The following TBCA variants were observed in gnomAD, a reference collection of about 807,000 sequenced individuals.
The protein encoded by TBCA is tubulin-specific chaperone A.
Under a neutral mutation model 15.8 loss-of-function variants are expected in TBCA, and 6 were observed. The observed-to-expected ratio is 0.38, with a 90% CI of 0.21 to 0.75. TBCA has a LOEUF of 0.75. TBCA is among the 30% of genes least tolerant of loss of function. The pLI, the probability that TBCA is intolerant of heterozygous loss-of-function variation, is 0.46. For synonymous variants in TBCA, 32 were observed against 42.3 expected, an observed-to-expected ratio of 0.76 and a Z score of 0.94; for missense variants, 90 against 131.2, an observed-to-expected ratio of 0.69 and a Z score of 1.53.
At chr5:77,732,577 A>G (rs2112469994) in intron 1 of TBCA, among the ~76,000 whole-genome samples, 1 of 147,372 alleles carries the variant, frequency 6.8e-6, no homozygotes, top group South Asian at 2.2e-4. Context: ...AAAAAAAAAA[A>G]TTGAAGGTTT....
In TBCA at chr5:77,693,557, G is replaced by A. The variant is rs1489047520; in HGVS notation, c.160-205C>T. ...CTCACGCCTGTAATCCCAGCATTTT[G>A]GGAGACCGAGGCAGGCAGATCACCT... On this transcript the variant is annotated intron_variant, in intron 2 of 3. Coordinates refer to ENST00000380377, the MANE Select transcript of TBCA (RefSeq NM_004607.3). 1.2e-5 allele frequency: 7 copies of A among 603,056 alleles called. No homozygotes were observed. In the East Asian group the frequency reaches 2.4e-4, roughly 21 times the overall value. 37.4% of individuals were successfully genotyped at this position (603,056 alleles called of 1,614,324 possible).
rs58679612 is a variant in TBCA, at chr5:77,701,682, CATATATATATATATATATATATATATAT to C, written c.159+6532_159+6559del. On this transcript the variant is annotated intron_variant, in intron 2 of 3. Coordinates refer to ENST00000380377, the MANE Select transcript of TBCA (RefSeq NM_004607.3). Reference sequence around the variant, plus strand: ...CAACAAGTGGATAAACTGTGGCATGCATATATATATATATATATATATATATATATATATATATATATATGATGGAATA... The same window carrying C: ...CAACAAGTGGATAAACTGTGGCATGCATATATATATATATATGATGGAATA... 4.1e-3 allele frequency among the ~76,000 whole-genome samples: 209 copies of C among 50,974 alleles called. 3 individuals are homozygous for C. The highest frequency in any genetic ancestry group is 0.015 in the African/African-American group (201 of 13,140). The allele number at this position is 50,974 out of a possible 152,430, so 33.4% of individuals were successfully genotyped here. A position where few individuals can be genotyped will look rare whatever the true frequency, so the allele number is the denominator to read the frequency against.
At chr5:77,715,868 AGCC>A (rs1239800844) in intron 1 of TBCA, among the ~76,000 whole-genome samples, 10 of 152,182 alleles carry the variant, frequency 6.6e-5, no homozygotes, top group African/African-American at 1.9e-4. Flanking sequence ...CCCTGTTTGG[AGCC>A]TCTAGTATAA....
chr5:77,700,455 C>T (rs1291240924), intron 2 of TBCA, among the ~76,000 whole-genome samples: 1 of 151,916 alleles, frequency 6.6e-6, no homozygotes, highest in African/African-American at 2.4e-5. Flanking sequence ...CATGAAAAAA[C>T]ATTCAACATT....
intron 1 of TBCA, among the ~76,000 whole-genome samples, chr5:77,772,219 A>T (rs1747931796): frequency 6.6e-6 from 1 of 152,180 alleles, no homozygotes; most frequent in Admixed American, 6.5e-5. Context: ...TTTTATCATG[A>T]AAAATGTTCA....
At chr5:77,717,579 C>T (rs1395297026) in intron 1 of TBCA, among the ~76,000 whole-genome samples, 3 of 152,286 alleles carry the variant, frequency 2.0e-5, no homozygotes, top group South Asian at 4.2e-4. Flanking sequence ...CCTGTAATCC[C>T]AGCACTTTGG....
chr5:77,758,389 T>C (rs1276338452), intron 1 of TBCA, among the ~76,000 whole-genome samples: 1 of 152,206 alleles, frequency 6.6e-6, no homozygotes, highest in Non-Finnish European at 1.5e-5. Context: ...CTCCCTGTTC[T>C]GTTCTGTTTC....
intron 1 of TBCA, among the ~76,000 whole-genome samples, chr5:77,745,941 TAAGA>T (rs1435878977): frequency 1.3e-5 from 2 of 152,230 alleles, no homozygotes; most frequent in Non-Finnish European, 2.9e-5. Context: ...ATTAAAAGTG[TAAGA>T]AAGATGAGCT....
At chr5:77,699,033 C>A (rs1214623118) in intron 2 of TBCA, among the ~76,000 whole-genome samples, 126 of 69,986 alleles carry the variant, frequency 1.8e-3, no homozygotes, top group East Asian at 0.011. Flanking sequence ...GCAAGAGCAT[C>A]AAAAAAAAAA....
chr5:77,710,589 C>T (rs966775984), intron 1 of TBCA, among the ~76,000 whole-genome samples: 1 of 152,132 alleles, frequency 6.6e-6, no homozygotes, highest in African/African-American at 2.4e-5. Flanking sequence ...TTGACATATA[C>T]ATCTGAATTT....
At chr5:77,755,042 C>A (rs1251541817) in intron 1 of TBCA, among the ~76,000 whole-genome samples, 3 of 152,162 alleles carry the variant, frequency 2.0e-5, no homozygotes, top group African/African-American at 7.2e-5. Context: ...AAACAAAGTT[C>A]TACAGCTTTT....
chr5:77,711,020 T>A (rs949570122), intron 1 of TBCA, among the ~76,000 whole-genome samples: 2 of 152,144 alleles, frequency 1.3e-5, no homozygotes, highest in African/African-American at 4.8e-5. Context: ...ATCTTATAAT[T>A]CAAAGACTTA....
chr5:77,774,625 AC>A (rs1329281177), intron 1 of TBCA, among the ~76,000 whole-genome samples: 1 of 152,186 alleles, frequency 6.6e-6, no homozygotes, highest in East Asian at 1.9e-4. Context: ...TCCAGATCAA[AC>A]CAATGTACAT....
At chr5:77,732,529 C>T (rs6882852) in intron 1 of TBCA, among the ~76,000 whole-genome samples, 19,800 of 122,378 alleles carry the variant, frequency 0.16, 1,883 homozygotes, top group East Asian at 0.39. Flanking sequence ...CCAGTCTGGG[C>T]GACAGAGTGA....
Position 77,747,497 on chromosome 5 carries a change from T to C in TBCA, c.53+28708A>G, listed in dbSNP as rs151327206. 2.5e-3 allele frequency among the ~76,000 whole-genome samples: 380 copies of C among 152,264 alleles called. 2 individuals carry two copies. The highest frequency in any genetic ancestry group is 8.9e-3 in the African/African-American group (370 of 41,566). ...TGCACTGTGCTATAAGAATCAGATA[T>C]GGCAAGCGTCTATAACTGCTCACTA... On this transcript the variant is annotated intron_variant, in intron 1 of 3. Coordinates refer to ENST00000380377, the MANE Select transcript of TBCA (RefSeq NM_004607.3).
rs1234733787 is a variant in TBCA, at chr5:77,700,060, C to T, written c.160-6708G>A. On this transcript the variant is annotated intron_variant, in intron 2 of 3. Coordinates refer to ENST00000380377, the MANE Select transcript of TBCA (RefSeq NM_004607.3). The stretch of plus-strand genomic sequence containing the variant: ...AAAAAAAAAAAAAAAAGAAAATTAG[C>T]CAGACATGGTGGTGCATGCCTGCAG... Among the ~76,000 whole-genome samples the T allele has an allele frequency of 2.1e-5, 3 of 144,406 alleles. No homozygotes were observed. The Admixed American group carries it at 2.1e-4, about 10-fold the overall frequency. The allele number at this position is 144,406 out of a possible 152,430, so 94.7% of individuals were successfully genotyped here.
At chr5:77,734,903 C>T (rs146044800) in intron 1 of TBCA, among the ~76,000 whole-genome samples, 1 of 152,238 alleles carries the variant, frequency 6.6e-6, no homozygotes, top group African/African-American at 2.4e-5. Flanking sequence ...AACGTTGAGG[C>T]AAGATATGTA....
chr5:77,706,878 G>A (rs1411239897), intron 2 of TBCA, among the ~76,000 whole-genome samples: 2 of 151,644 alleles, frequency 1.3e-5, no homozygotes, highest in Non-Finnish European at 2.9e-5. Context: ...GATATTAGAT[G>A]TGGTTATGAG....
intron 1 of TBCA, 36 bp from the exon 2 acceptor site, chr5:77,708,383 T>A: frequency 7.6e-7 from 1 of 1,312,286 alleles, no homozygotes; most frequent in Non-Finnish European, 1.1e-6. Flanking sequence ...GAAAATTAGC[T>A]TTCTCTCCAG....
Sources: allele counts gnomAD v4.1 joint callset (sites outside exome capture counted in the v4.1 genomes callset), GRCh38; gene constraint gnomAD v4.1.1; transcripts MANE v1.5; gene names NCBI Gene and HGNC (gene_info 2026-07-23, HGNC 2026-07-21).